TSC22D1: variants seen among roughly 807,000 people sequenced by gnomAD.
TSC22D1 encodes TSC22 domain family protein 1.
A neutral mutation model predicts 74.2 loss-of-function variants in TSC22D1; 9 were observed. The observed-to-expected ratio is 0.12, with a 90% CI of 0.07 to 0.21. The LOEUF (loss-of-function observed/expected upper bound fraction) is 0.21, where lower values mean the gene tolerates loss of function less well. Among genes scored for constraint, TSC22D1 ranks in the 10% least tolerant of loss-of-function variants. The pLI is 1.00. For synonymous variants in TSC22D1, 586 were observed against 492.5 expected (o/e 1.19, Z -2.51); for missense variants, 1,427 against 1,304.7 (o/e 1.09, Z -1.44).
intron 1 of TSC22D1, among the ~76,000 whole-genome samples, chr13:44,484,420 T>C: frequency 6.6e-6 from 1 of 152,214 alleles, no homozygotes; most frequent in East Asian, 1.9e-4. Flanking sequence ...GCCCATCCTA[T>C]ATACTTTATA....
chr13:44,490,086 A>G (rs1319130082), intron 1 of TSC22D1, among the ~76,000 whole-genome samples: 1 of 152,244 alleles, frequency 6.6e-6, no homozygotes, highest in Non-Finnish European at 1.5e-5. Flanking sequence ...AAAAACCCAA[A>G]TATCTATCAA....
chr13:44,526,320 C>T (rs1359474676), intron 1 of TSC22D1, among the ~76,000 whole-genome samples: 1 of 150,414 alleles, frequency 6.6e-6, no homozygotes, highest in Non-Finnish European at 1.5e-5. Context: ...GTAATATAAG[C>T]AAAGAGATGA....
At chr13:44,528,721 T>C (rs1880673877) in intron 1 of TSC22D1, among the ~76,000 whole-genome samples, 1 of 152,014 alleles carries the variant, frequency 6.6e-6, no homozygotes, top group African/African-American at 2.4e-5. Flanking sequence ...CAAAATCTAG[T>C]TCTTTGATCA....
chr13:44,558,531 G>A (rs1278495589), intron 1 of TSC22D1, among the ~76,000 whole-genome samples: 6 of 152,084 alleles, frequency 3.9e-5, no homozygotes, highest in Non-Finnish European at 5.9e-5. Flanking sequence ...TCTGAGCTCA[G>A]AAGTTCAAGA....
At chr13:44,466,707 C>T (rs751610093) in intron 1 of TSC22D1, among the ~76,000 whole-genome samples, 1 of 151,868 alleles carries the variant, frequency 6.6e-6, no homozygotes, top group Non-Finnish European at 1.5e-5. Context: ...GACGTCAAGG[C>T]TGCAATGAGC....
chr13:44,457,716 T>G (rs1348234614), intron 1 of TSC22D1, among the ~76,000 whole-genome samples: 1 of 149,522 alleles, frequency 6.7e-6, no homozygotes, highest in African/African-American at 2.4e-5. Context: ...AGGAAATCGC[T>G]AAATCCTGCA....
At chr13:44,526,566 G>T (rs1223883826) in intron 1 of TSC22D1, among the ~76,000 whole-genome samples, 1 of 152,046 alleles carries the variant, frequency 6.6e-6, no homozygotes, top group African/African-American at 2.4e-5. Flanking sequence ...AGACAGAAAA[G>T]AAAGAGAGAA....
chr13:44,567,537 A>G (rs924146102), intron 1 of TSC22D1, among the ~76,000 whole-genome samples: 4 of 152,046 alleles, frequency 2.6e-5, no homozygotes, highest in African/African-American at 7.2e-5. Context: ...CTAACATTTT[A>G]TATATTCAGA....
At chr13:44,480,928 C>T (rs956727011) in intron 1 of TSC22D1, among the ~76,000 whole-genome samples, 5 of 152,072 alleles carry the variant, frequency 3.3e-5, no homozygotes, top group Admixed American at 1.3e-4. Flanking sequence ...GTGTTATGAG[C>T]GGCTGAATTG....
chr13:44,541,856 C>T lies in TSC22D1; in HGVS notation c.2912+31307G>A, dbSNP rs115991594. ...AGAGGAAAAAGGCTTAAAATCAGTACGTTGGAGCTATCTACATACATTTTC... is the reference window on the plus strand; with the variant it reads ...AGAGGAAAAAGGCTTAAAATCAGTATGTTGGAGCTATCTACATACATTTTC... On this transcript the variant is annotated intron_variant, in intron 1 of 2. Coordinates refer to ENST00000458659, the MANE Select transcript of TSC22D1 (RefSeq NM_183422.4). 1.6e-3 allele frequency among the ~76,000 whole-genome samples: 245 copies of T among 152,176 alleles called. 1 individual carries two copies. Among genetic ancestry groups the T allele is most frequent in the African/African-American group, 5.6e-3 (234 of 41,538 alleles).
intron 1 of TSC22D1, among the ~76,000 whole-genome samples, chr13:44,572,161 GGTTA>G (rs1233869489): frequency 1.3e-5 from 2 of 152,008 alleles, no homozygotes; most frequent in Non-Finnish European, 2.9e-5. Flanking sequence ...TTTTAATCAA[GGTTA>G]GTAACAGACT....
rs780293320 is a variant in TSC22D1 at position 44,575,251 on chromosome 13, G to T, written c.824C>A (p.Ala275Glu). 1.2e-6 allele frequency: 2 copies of T among 1,614,092 alleles called. No individual in the cohort carries two copies. The highest frequency in any genetic ancestry group is 1.7e-6 in the Non-Finnish European group (2 of 1,180,046). ...ACTGGATGATACAGCAGAAGTTGGT[G>T]CAACTGGTGTGATACTGTCAGAGCT... is the stretch of plus-strand genomic sequence containing the variant. ...TGSSDSITPV[A>E]PTSAVSSSGS... The change falls in exon 1 of 3, where the codon GCA becomes GAA. Residue 275 changes from alanine (A) to glutamate (E), a missense_variant. By Grantham distance (107) the Ala-to-Glu change is moderately radical. Around this residue, in one of 3 missense-constraint regions of TSC22D1, gnomAD observed 1,343 missense variants for 1,191.5 expected, o/e 1.13. Coordinates refer to ENST00000458659, the MANE Select transcript of TSC22D1 (RefSeq NM_183422.4).
intron 1 of TSC22D1, among the ~76,000 whole-genome samples, chr13:44,455,753 C>T (rs1396511756): frequency 6.6e-6 from 1 of 152,190 alleles, no homozygotes; most frequent in Non-Finnish European, 1.5e-5. Context: ...TTTAAAGCTA[C>T]TTCTGACTAA....
At chr13:44,526,416 A>C (rs1195119414) in intron 1 of TSC22D1, among the ~76,000 whole-genome samples, 1 of 152,140 alleles carries the variant, frequency 6.6e-6, no homozygotes, top group Non-Finnish European at 1.5e-5. Flanking sequence ...TCATCTGCAC[A>C]TGGCCTAAGA....
At chr13:44,459,025 T>C (rs1876838605) in intron 1 of TSC22D1, among the ~76,000 whole-genome samples, 1 of 152,162 alleles carries the variant, frequency 6.6e-6, no homozygotes, top group Non-Finnish European at 1.5e-5. Context: ...AAGTGGTAGA[T>C]GGCCTAAAGC....
At chr13:44,454,430 A>G (rs1876399950) in intron 1 of TSC22D1, among the ~76,000 whole-genome samples, 1 of 152,134 alleles carries the variant, frequency 6.6e-6, no homozygotes, top group African/African-American at 2.4e-5. Context: ...AAACACCCAC[A>G]AACTGCCCCC....
At chr13:44,564,396 A>T (rs144539835) in intron 1 of TSC22D1, among the ~76,000 whole-genome samples, 37 of 152,326 alleles carry the variant, frequency 2.4e-4, no homozygotes, top group African/African-American at 7.9e-4. Context: ...GTGCTATTAA[A>T]CAGTTATTAA....
At chr13:44,436,349 G>A in intron 1 of TSC22D1, 4 of 1,106,868 alleles carry the variant, frequency 3.6e-6, no homozygotes, top group Non-Finnish European at 3.9e-6. Context: ...GGCCAGACTT[G>A]CAAAAATAAG....
At chr13:44,510,149 T>C (rs1166561234) in intron 1 of TSC22D1, among the ~76,000 whole-genome samples, 2 of 151,292 alleles carry the variant, frequency 1.3e-5, no homozygotes. Context: ...TCTGGGAGGC[T>C]GAGGCGGGTG....
Sources: allele counts gnomAD v4.1 joint callset (sites outside exome capture counted in the v4.1 genomes callset), GRCh38; gene constraint gnomAD v4.1.1; regional missense constraint gnomAD v4.1.1; transcripts MANE v1.5; gene names NCBI Gene and HGNC (gene_info 2026-07-23, HGNC 2026-07-21).